Variants in ZGRF1 observed in about 807,000 individuals in gnomAD.
The protein encoded by ZGRF1 is zinc finger GRF-type containing 1.
ZGRF1 carries 196 observed loss-of-function variants against 203.5 expected under a neutral mutation model. The observed-to-expected ratio is 0.96, with a 90% CI of 0.86 to 1.08. The LOEUF (loss-of-function observed/expected upper bound fraction) is 1.08. Ranked by LOEUF, ZGRF1 falls within the 50% of genes least tolerant of loss-of-function variation. The pLI is 0.00. For synonymous variants in ZGRF1, 809 were observed against 841.3 expected, an observed-to-expected ratio of 0.96 and a Z score of 0.66; for missense variants, 2,326 against 2,416.3, an observed-to-expected ratio of 0.96 and a Z score of 0.78.
At chr4:112,552,242 A>G (rs1201548106) in intron 22 of ZGRF1, among the ~76,000 whole-genome samples, 2 of 151,106 alleles carry the variant, frequency 1.3e-5, no homozygotes, top group Non-Finnish European at 1.5e-5. Context: ...GCGCCACTGC[A>G]CTCCAGCCTG....
intron 19 of ZGRF1, among the ~76,000 whole-genome samples, chr4:112,558,777 T>C (rs552095704): frequency 2.4e-4 from 37 of 152,342 alleles, no homozygotes; most frequent in Admixed American, 1.6e-3. Flanking sequence ...AGGGGATAAA[T>C]AGATAACCAA....
Position 112,541,094 on chromosome 4 carries a change from G to GT in ZGRF1, c.5772dup (p.Gln1925ThrfsTer6). On this transcript the variant is annotated frameshift_variant, in exon 25 of 28. Coordinates refer to ENST00000505019, the MANE Select transcript of ZGRF1 (RefSeq NM_018392.5). LOFTEE classifies it high-confidence loss of function. ...TCATCAACATTAATGTCATTTACCT[G>GT]TTCTAGTCCTTTAACATTATAAAAA... The GT allele has an allele frequency of 1.3e-6, 2 of 1,583,952 alleles. No homozygotes were observed. Among genetic ancestry groups the GT allele is most frequent in the Non-Finnish European group, 1.7e-6 (2 of 1,163,410 alleles).
At chr4:112,558,431 A>G (rs1166383633) in intron 19 of ZGRF1, 122 bp from the exon 20 acceptor site, 11 of 742,758 alleles carry the variant, frequency 1.5e-5, no homozygotes, top group Non-Finnish European at 1.4e-5. Flanking sequence ...GCAGTGACAC[A>G]ATCTCAGCTC....
At position 112,618,613 on chromosome 4, in the gene ZGRF1, ACT is replaced by A; in HGVS notation, c.1427_1428del (p.Glu476ValfsTer12). 4 of 1,613,342 alleles carry A rather than the reference ACT, an allele frequency of 2.5e-6. No individual in the cohort carries two copies. The highest frequency in any genetic ancestry group is 3.4e-6 in the Non-Finnish European group (4 of 1,179,654). On this transcript the variant is annotated frameshift_variant, in exon 6 of 28. Transcript: ENST00000505019. LOFTEE classifies it high-confidence loss of function. ...GTLEKEYEQS[E>X]SSLPELKHLQ... ...AGATGTTTCAGTTCTGGCAGAGATG[ACT>A]CTGATTGTTCATACTCCTTTTCCAG...
intron 3 of ZGRF1, chr4:112,628,877 GA>G: frequency 2.4e-6 from 1 of 424,940 alleles, no homozygotes; most frequent in South Asian, 1.7e-5. Context: ...GAATATAAAA[GA>G]AAAAGTTATA....
intron 10 of ZGRF1, among the ~76,000 whole-genome samples, chr4:112,603,002 T>C (rs574406712): frequency 9.9e-4 from 149 of 151,068 alleles, no homozygotes; most frequent in African/African-American, 2.7e-3. Flanking sequence ...ATTTCATATA[T>C]GTATTATGCT....
rs1160189954 is a variant in ZGRF1, at chr4:112,603,525, T to C, written c.2975A>G (p.Gln992Arg). The C allele has an allele frequency of 1.3e-6, 2 of 1,595,022 alleles. No homozygotes were observed. The highest frequency in any genetic ancestry group is 1.7e-6 in the Non-Finnish European group (2 of 1,169,302). Reference protein sequence around the residue: ...PSTCMQIDFLQVTSPEENIST... With the variant: ...PSTCMQIDFLRVTSPEENIST... The stretch of plus-strand genomic sequence containing the variant: ...ATGCAACTATAAAAATATTTTTACC[T>C]GCAAGAAGTCAATCTGCATACACGT... Residue 992 changes from glutamine (Q) to arginine (R), a missense_variant and splice_region_variant, in exon 10 of 28, where the codon CAG (glutamine) becomes CGG (arginine). By Grantham distance (43) the Gln-to-Arg change is conservative. Transcript: ENST00000505019.
intron 16 of ZGRF1, among the ~76,000 whole-genome samples, 174 bp from the exon 17 acceptor site, chr4:112,563,448 T>G (rs1406127522): frequency 2.0e-5 from 3 of 152,130 alleles, no homozygotes; most frequent in Non-Finnish European, 4.4e-5. Context: ...AACCTAAAGG[T>G]TGGGAGTGCT....
At chr4:112,605,895 G>A (rs1750698634) in intron 9 of ZGRF1, 113 bp downstream of exon 9, 1 of 711,400 alleles carries the variant, frequency 1.4e-6, no homozygotes. Flanking sequence ...TATTTATTAT[G>A]CTACTAACCT....
At chr4:112,620,653 G>A (rs533349279) in intron 4 of ZGRF1, among the ~76,000 whole-genome samples, 22 of 152,136 alleles carry the variant, frequency 1.4e-4, no homozygotes, top group Non-Finnish European at 2.8e-4. Flanking sequence ...GAAGCCAGGA[G>A]GTCAAGACCA....
At position 112,565,093 on chromosome 4, in the gene ZGRF1, G is replaced by T. The variant is rs999294918; in HGVS notation, c.4439-1819C>A. The T allele has an allele frequency of 5.3e-6, 7 of 1,318,684 alleles. No individual in the cohort carries two copies. In the African/African-American group the frequency reaches 1.0e-4, roughly 19 times the overall value. The allele number at this position is 1,318,684 out of a possible 1,614,324, so 81.7% of individuals were successfully genotyped here. A position where few individuals can be genotyped will look rare whatever the true frequency, so the allele number is the denominator to read the frequency against. On this transcript the variant is annotated intron_variant, in intron 16 of 27. Coordinates refer to ENST00000505019, the MANE Select transcript of ZGRF1 (RefSeq NM_018392.5). ...CAAGAGTGTGCCCTCTACTGGAGGG[G>T]TGAAGAAACCTCATCGTTACAGGCC...
At chr4:112,557,468 C>T (rs1481638992) in intron 20 of ZGRF1, among the ~76,000 whole-genome samples, 1 of 152,190 alleles carries the variant, frequency 6.6e-6, no homozygotes, top group Non-Finnish European at 1.5e-5. Context: ...AGCCACCATG[C>T]CCAGCCTGAT....
At chr4:112,597,226 A>AG (rs1341393635) in intron 10 of ZGRF1, among the ~76,000 whole-genome samples, 1 of 150,226 alleles carries the variant, frequency 6.7e-6, no homozygotes, top group East Asian at 2.0e-4. Context: ...AAAAAAAAAA[A>AG]AAAAAATTCT....
At chr4:112,550,604 G>A (rs1739767677) in intron 22 of ZGRF1, among the ~76,000 whole-genome samples, 1 of 152,152 alleles carries the variant, frequency 6.6e-6, no homozygotes, top group African/African-American at 2.4e-5. Flanking sequence ...TGTAATCCCA[G>A]CACTTTGGGA....
intron 9 of ZGRF1, among the ~76,000 whole-genome samples, chr4:112,604,383 T>C (rs1298355449): frequency 1.3e-5 from 2 of 152,164 alleles, no homozygotes; most frequent in African/African-American, 4.8e-5. Context: ...CAACTATGCA[T>C]TACATACAAT....
chr4:112,565,728 C>CA (rs1405281293), intron 16 of ZGRF1, among the ~76,000 whole-genome samples: 4 of 152,028 alleles, frequency 2.6e-5, no homozygotes, highest in East Asian at 1.9e-4. Context: ...TTTATGCAGC[C>CA]AAAAAACACA....
At chr4:112,616,276 T>C (rs1387892662) in intron 6 of ZGRF1, among the ~76,000 whole-genome samples, 2 of 151,976 alleles carry the variant, frequency 1.3e-5, no homozygotes, top group African/African-American at 4.8e-5. Context: ...TCCTAGCACT[T>C]TGGGAGGCCG....
At chr4:112,597,212 TA>T (rs1273783172) in intron 10 of ZGRF1, among the ~76,000 whole-genome samples, 403 of 105,318 alleles carry the variant, frequency 3.8e-3, no homozygotes, top group Admixed American at 3.7e-3. Flanking sequence ...AAACTCCATC[TA>T]AAAAAAAAAA....
chr4:112,603,763 AAC>A, intron 9 of ZGRF1, 66 bp from the exon 10 acceptor site: 1 of 1,217,342 alleles, frequency 8.2e-7, no homozygotes, highest in Non-Finnish European at 1.2e-6. Flanking sequence ...TCACAAAGTA[AAC>A]ACACAGAATA....
Sources: allele counts gnomAD v4.1 joint callset (sites outside exome capture counted in the v4.1 genomes callset), GRCh38; gene constraint gnomAD v4.1.1; transcripts MANE v1.5; gene names NCBI Gene and HGNC (gene_info 2026-07-23, HGNC 2026-07-21).